The following AHNAK2 variants were observed in gnomAD, a reference collection of about 807,000 sequenced individuals.
AHNAK2 encodes protein AHNAK2.
A neutral mutation model predicts 30.7 loss-of-function variants in AHNAK2; 18 were observed. That is an observed-to-expected ratio of 0.59 (90% CI 0.41 to 0.87). AHNAK2 has a LOEUF of 0.87. AHNAK2 is among the 40% of genes least tolerant of loss of function. The probability of loss-of-function intolerance (pLI) is 0.00; values close to 1 mark genes in which losing one functional copy is unlikely to be tolerated. For synonymous variants in AHNAK2, 3,590 were observed against 3,073.8 expected (o/e 1.17, Z -5.56); for missense variants, 8,604 against 7,373.0 (o/e 1.17, Z -6.11).
Position 104,957,715 on chromosome 14 carries a change from G to A in AHNAK2, c.56-43C>T, listed in dbSNP as rs747757507. 8 of 1,585,320 alleles carry A rather than the reference G, an allele frequency of 5.0e-6. No individual in the cohort carries two copies. The Admixed American group carries it at 5.3e-5, about 11-fold the overall frequency. On this transcript the variant is annotated intron_variant, in intron 1 of 6. Transcript: ENST00000333244. Reference sequence around the variant, plus strand: ...GTCAGTGGAGACAAGCAGGCTGGGGGAGCAGATCGGGGCCCGGGGGAGGGA... The same window carrying A: ...GTCAGTGGAGACAAGCAGGCTGGGGAAGCAGATCGGGGCCCGGGGGAGGGA...
chr14:104,969,921 G>A (rs923959607), intron 1 of AHNAK2, among the ~76,000 whole-genome samples: 5 of 151,882 alleles, frequency 3.3e-5, no homozygotes, highest in African/African-American at 9.7e-5. Context: ...AGCCCACCTC[G>A]GGCACCCCCA....
rs1302640492 is a variant in AHNAK2, at chr14:104,947,639, G to T, written c.7812C>A (p.Ala2604=). ...TGGACAGAGACATCTCCACATCGGG[G>T]GCTGTCACTTCCGCCTTGGGGCCTT... ...DLKGPKAEVT[A]PDVEMSLSSM... is the part of the protein sequence containing the mutation. The change falls in exon 7 of 7, where the codon GCC becomes GCA. Residue 2604 remains alanine, a synonymous_variant. Transcript: ENST00000333244. 1 of 1,612,946 alleles carries T rather than the reference G, an allele frequency of 6.2e-7. No individual in the cohort carries two copies. The highest frequency in any genetic ancestry group is 8.5e-7 in the Non-Finnish European group (1 of 1,179,648).
At chr14:104,968,650 C>CA (rs1241091436) in intron 1 of AHNAK2, among the ~76,000 whole-genome samples, 3 of 152,176 alleles carry the variant, frequency 2.0e-5, no homozygotes, top group African/African-American at 7.2e-5. Flanking sequence ...GGTGGGAGGG[C>CA]ATGGTTGGGT....
intron 1 of AHNAK2, among the ~76,000 whole-genome samples, chr14:104,969,078 C>T (rs957070676): frequency 3.3e-5 from 5 of 152,220 alleles, no homozygotes; most frequent in African/African-American, 1.2e-4. Flanking sequence ...ATCCCCCGCC[C>T]CTCCCCGATG....
At chr14:104,967,560 C>T (rs913204175) in intron 1 of AHNAK2, among the ~76,000 whole-genome samples, 2 of 152,218 alleles carry the variant, frequency 1.3e-5, no homozygotes, top group Non-Finnish European at 1.5e-5. Flanking sequence ...CGTGCCTGGT[C>T]CTGCCACTGG....
chr14:104,968,596 T>G (rs1899380425), intron 1 of AHNAK2, among the ~76,000 whole-genome samples: 1 of 152,180 alleles, frequency 6.6e-6, no homozygotes, highest in Admixed American at 6.5e-5. Context: ...AAATCCAAGT[T>G]TGCCTCTAAA....
rs768158999 is a variant in AHNAK2, at chr14:104,948,850, G to T, written c.6601C>A (p.Leu2201Ile). 1.1e-5 allele frequency: 17 copies of T among 1,611,792 alleles called. No homozygotes were observed. The East Asian group carries it at 1.1e-4, about 11-fold the overall frequency. ...SMQGDLKTTD[L>I]SIQPLSADVK... Reference sequence around the variant, plus strand: ...TCGGCGGAAAGGGGCTGAATGCTGAGGTCAGTGGTCTTGAGGTCCCCCTGC... The same window carrying T: ...TCGGCGGAAAGGGGCTGAATGCTGATGTCAGTGGTCTTGAGGTCCCCCTGC... The change falls in exon 7 of 7, where the codon CTC becomes ATC. Residue 2201 changes from leucine (L) to isoleucine (I), a missense_variant. Leu to Ile is a conservative substitution (Grantham distance 5). Coordinates refer to ENST00000333244, the MANE Select transcript of AHNAK2 (RefSeq NM_138420.4).
Position 104,949,841 on chromosome 14 carries a change from G to A in AHNAK2, c.5610C>T (p.Asp1870=). Residue 1870 remains aspartate (D), a synonymous_variant, in exon 7 of 7, where the codon GAC becomes GAT. Transcript: ENST00000333244. The stretch of plus-strand genomic sequence containing the variant: ...CTGCAGAAGGGAGCGGAATGCAGAG[G>A]TCCGTGGTCTTGAGGTCCCCCTGCA... ...PSMQGDLKTT[D]LCIPLPSADL... is the part of the protein sequence containing the mutation. The A allele has an allele frequency of 6.3e-7, 1 of 1,587,414 alleles. No individual in the cohort carries two copies. The highest frequency in any genetic ancestry group is 1.1e-5 in the South Asian group (1 of 90,042).
rs2140833530 is a variant in AHNAK2 at position 104,944,957 on chromosome 14, C to A, written c.10494G>T (p.Val3498=). 1 of 1,613,266 alleles carries A rather than the reference C, an allele frequency of 6.2e-7. No homozygotes were observed. Among genetic ancestry groups the A allele is most frequent in the Non-Finnish European group, 8.5e-7 (1 of 1,179,636 alleles). Residue 3498 remains valine (V), a synonymous_variant, in exon 7 of 7, where the codon GTG becomes GTT. Transcript: ENST00000333244. Reference sequence around the variant, plus strand: ...CGTCGGCCTCCACCTTCGGCGCAGACACATCCAGCGAGGCCTCGATGGACC... The same window carrying A: ...CGTCGGCCTCCACCTTCGGCGCAGAAACATCCAGCGAGGCCTCGATGGACC... ...PGRSIEASLD[V]SAPKVEADVS...
In AHNAK2 at chr14:104,948,224, G is replaced by T. The variant is rs1189048633; in HGVS notation, c.7227C>A (p.Phe2409Leu). ...GHLPKLQMPS[F>L]KMPKVDLKGP... is the part of the protein sequence containing the mutation. Reference sequence around the variant, plus strand: ...CCTTGAGATCTACTTTGGGCATCTTGAAACTGGGCATCTGCAGCTTGGGCA... The same window carrying T: ...CCTTGAGATCTACTTTGGGCATCTTTAAACTGGGCATCTGCAGCTTGGGCA... Residue 2409 changes from phenylalanine to leucine, a missense_variant, in exon 7 of 7, where the codon TTC becomes TTA. Phe to Leu is a conservative substitution (Grantham distance 22). Transcript: ENST00000333244. 6.2e-7 allele frequency: 1 copy of T among 1,612,588 alleles called. No individual in the cohort carries two copies. The highest frequency in any genetic ancestry group is 1.3e-5 in the African/African-American group (1 of 74,516).
chr14:104,949,831 G>T lies in AHNAK2; in HGVS notation c.5620C>A (p.Pro1874Thr). ...ACCACCAGGTCTGCAGAAGGGAGCGGAATGCAGAGGTCCGTGGTCTTGAGG... is the reference window on the plus strand; with the variant it reads ...ACCACCAGGTCTGCAGAAGGGAGCGTAATGCAGAGGTCCGTGGTCTTGAGG... The part of the protein sequence containing the change: ...GDLKTTDLCI[P>T]LPSADLVVQA... Residue 1874 changes from proline to threonine, a missense_variant, in exon 7 of 7, where the codon CCG (proline) becomes ACG (threonine). Pro to Thr is a conservative substitution (Grantham distance 38). Transcript: ENST00000333244. The T allele has an allele frequency of 6.3e-7, 1 of 1,587,280 alleles. No individual in the cohort carries two copies. Among genetic ancestry groups the T allele is most frequent in the Non-Finnish European group, 8.6e-7 (1 of 1,163,066 alleles).
In AHNAK2 at chr14:104,951,137, C is replaced by T. The variant is rs753067860; in HGVS notation, c.4314G>A (p.Leu1438=). 5 of 1,068,522 alleles carry T rather than the reference C, an allele frequency of 4.7e-6. 2 individuals are homozygous for T. The allele number at this position is 1,068,522 out of a possible 1,614,324, so 66.2% of individuals were successfully genotyped here. The change falls in exon 7 of 7, where the codon CTG becomes CTA. Residue 1438 remains leucine, a synonymous_variant. Transcript: ENST00000333244. ...CTTCCACCTTGGGGTCTTTTAGGTC[C>T]AGCTTGGGGCCCTTGATGTCTATTT... ...GPEIDIKGPK[L]DLKDPKVEVT... is the part of the protein sequence containing the mutation.
At chr14:104,976,259 G>A (rs1247642218) in intron 1 of AHNAK2, among the ~76,000 whole-genome samples, 2 of 152,316 alleles carry the variant, frequency 1.3e-5, no homozygotes, top group Non-Finnish European at 2.9e-5. Context: ...GCAGCGCTGC[G>A]TGGGGTGGTC....
Position 104,947,785 on chromosome 14 carries a change from C to A in AHNAK2, c.7666G>T (p.Val2556Leu), listed in dbSNP as rs546691912. The change falls in exon 7 of 7, where the codon GTG (valine) becomes TTG (leucine). Residue 2556 changes from valine (V) to leucine (L), a missense_variant. Physicochemically the swap from Val to Leu is conservative, Grantham distance 32. Coordinates refer to ENST00000333244, the MANE Select transcript of AHNAK2 (RefSeq NM_138420.4). ...QVDVKLPEGP[V>L]PEGAGLKGHL... ...CCTTTGAGGCCGGCTCCCTCCGGCA[C>A]AGGGCCCTCTGGGAGTTTCACGTCC... is the stretch of plus-strand genomic sequence containing the variant. The A allele has an allele frequency of 1.2e-6, 2 of 1,612,848 alleles. No homozygotes were observed. The highest frequency in any genetic ancestry group is 2.7e-5 in the African/African-American group (2 of 74,628).
Position 104,948,447 on chromosome 14 carries a change from T to G in AHNAK2, c.7004A>C (p.Lys2335Thr), listed in dbSNP as rs772264585. ...MLSFGVSALG[K>T]SIEASADVSA... The stretch of plus-strand genomic sequence containing the variant: ...CACATCCGCTGAGGCCTCGATGGAC[T>G]TGCCAAGGGCAGACACCCCAAACGA... The change falls in exon 7 of 7, where the codon AAG becomes ACG. Residue 2335 changes from lysine to threonine, a missense_variant. Physicochemically the swap from Lys to Thr is moderately conservative, Grantham distance 78. Transcript: ENST00000333244. The G allele has an allele frequency of 1.2e-6, 2 of 1,610,724 alleles. No individual in the cohort carries two copies. The highest frequency in any genetic ancestry group is 1.1e-5 in the South Asian group (1 of 91,044).
In AHNAK2 at chr14:104,950,297, C is replaced by G. The variant is rs374228427; in HGVS notation, c.5154G>C (p.Gln1718His). Reference sequence around the variant, plus strand: ...GGAGTTTCACGTTCACTTGGCCAGCCTGGACCTCCAGGTCGGCGGAAGGGG... The same window carrying G: ...GGAGTTTCACGTTCACTTGGCCAGCGTGGACCTCCAGGTCGGCGGAAGGGG... ...IQSPSADLEV[Q>H]AGQVNVKLPE... Residue 1718 changes from glutamine (Q) to histidine (H), a missense_variant, in exon 7 of 7, where the codon CAG (glutamine) becomes CAC (histidine). Transcript: ENST00000333244. 65 of 1,584,896 alleles carry G rather than the reference C, an allele frequency of 4.1e-5. 7 individuals are homozygous for G. In the Middle Eastern group the frequency reaches 9.9e-4, roughly 24 times the overall value.
At position 104,954,689 on chromosome 14, in the gene AHNAK2, G is replaced by T. The variant is rs897203304; in HGVS notation, c.762C>A (p.Ser254Arg). The change falls in exon 7 of 7, where the codon AGC (serine) becomes AGA (arginine). Residue 254 changes from serine to arginine, a missense_variant. Ser to Arg is a moderately radical substitution (Grantham distance 110). Transcript: ENST00000333244. The surrounding 1 kb of genome is among the most constrained non-coding windows in gnomAD (Gnocchi z 4.3). ...SKPRVGRGRQ[S>R]QRERLSWPKF... ...TTGGCCAAGAGAGCCTCTCCCTCTG[G>T]CTCTGCCTGCCTCTCCCCACCCTTG... 3 of 1,612,662 alleles carry T rather than the reference G, an allele frequency of 1.9e-6. No individual in the cohort carries two copies. Among genetic ancestry groups the T allele is most frequent in the East Asian group, 2.2e-5 (1 of 44,860 alleles).
rs1899312440 is a variant in AHNAK2, at chr14:104,966,694, G to A, written c.56-9022C>T. Among the ~76,000 whole-genome samples the A allele has an allele frequency of 6.6e-6, 1 of 152,124 alleles. No homozygotes were observed. Among genetic ancestry groups the A allele is most frequent in the Non-Finnish European group, 1.5e-5 (1 of 68,040 alleles). ...CCCAGTGCACCCCACAACCCTGAGG[G>A]ACCACCAGCTGGGGCCACCCCAGCC... On this transcript the variant is annotated intron_variant, in intron 1 of 6. Transcript: ENST00000333244. This position sits in a 1 kb window ranked among gnomAD's most constrained non-coding sequence, Gnocchi z 4.3.
At position 104,942,808 on chromosome 14, in the gene AHNAK2, G is replaced by A. The variant is rs1427799878; in HGVS notation, c.12643C>T (p.His4215Tyr). 3 of 1,612,976 alleles carry A rather than the reference G, an allele frequency of 1.9e-6. No homozygotes were observed. The highest frequency in any genetic ancestry group is 1.1e-5 in the South Asian group (1 of 91,042). The change falls in exon 7 of 7, where the codon CAC becomes TAC. Residue 4215 changes from histidine (H) to tyrosine (Y), a missense_variant. Coordinates refer to ENST00000333244, the MANE Select transcript of AHNAK2 (RefSeq NM_138420.4). ...CAGGGCATCTGCACCTTGGGGAGGTGCCCTTTGAGGCCGGCTCCCTTGGGC... is the reference window on the plus strand; with the variant it reads ...CAGGGCATCTGCACCTTGGGGAGGTACCCTTTGAGGCCGGCTCCCTTGGGC... ...PLPKGAGLKG[H>Y]LPKVQMPCLK...
Sources: gnomAD v4.1 joint callset for allele counts (sites outside exome capture counted in the v4.1 genomes callset) on GRCh38, gnomAD v4.1.1 for gene constraint, Gnocchi (gnomAD v3.1) non-coding constraint, MANE v1.5 for transcripts, NCBI Gene and HGNC (gene_info 2026-07-23, HGNC 2026-07-21) for gene names.